Variants in UBE2V2 observed in about 807,000 individuals in gnomAD.
UBE2V2 encodes the protein ubiquitin-conjugating enzyme E2 variant 2.
UBE2V2 carries 9 observed loss-of-function variants against 17.2 expected under a neutral mutation model. The ratio of observed to expected loss-of-function variants is 0.52; its 90% CI spans 0.32 to 0.91. The LOEUF (loss-of-function observed/expected upper bound fraction) is 0.91. UBE2V2 is among the 40% of genes least tolerant of loss of function. The pLI, the probability that UBE2V2 is intolerant of heterozygous loss-of-function variation, is 0.04. For missense variants in UBE2V2, 133 were observed against 182.6 expected, an observed-to-expected ratio of 0.73 and a Z score of 1.56; for synonymous variants, 61 against 57.5, an observed-to-expected ratio of 1.06 and a Z score of -0.28.
At chr8:48,029,559 T>C (rs2091369131) in intron 1 of UBE2V2, among the ~76,000 whole-genome samples, 1 of 152,204 alleles carries the variant, frequency 6.6e-6, no homozygotes, top group South Asian at 2.1e-4. Context: ...GTAAACAGTT[T>C]TATTCTTTGG....
intron 2 of UBE2V2, among the ~76,000 whole-genome samples, chr8:48,046,942 CTTT>C (rs771280050): frequency 1.4e-5 from 2 of 139,762 alleles, no homozygotes; most frequent in Non-Finnish European, 3.1e-5. Context: ...TAAGGTCCCT[CTTT>C]TTTTTTTTTT....
chr8:48,043,329 G>T (rs944764849), intron 2 of UBE2V2, 148 bp downstream of exon 2: 25 of 626,968 alleles, frequency 4.0e-5, no homozygotes, highest in Middle Eastern at 5.0e-4. Context: ...TGCTTCCCAC[G>T]TGCAGGATAT....
chr8:48,017,376 CTCTT>C (rs1214596183), intron 1 of UBE2V2, among the ~76,000 whole-genome samples: 4 of 150,534 alleles, frequency 2.7e-5, no homozygotes, highest in East Asian at 1.9e-4. Flanking sequence ...TGTTCTCTCT[CTCTT>C]TTTTTTTTTT....
intron 1 of UBE2V2, among the ~76,000 whole-genome samples, chr8:48,018,135 C>A (rs2091282829): frequency 6.6e-6 from 1 of 152,164 alleles, no homozygotes; most frequent in African/African-American, 2.4e-5. Flanking sequence ...CCATGCCCAG[C>A]TGCACAATGC....
chr8:47,997,843 G>A, the UBE2V2 span, among the ~76,000 whole-genome samples: 1 of 151,888 alleles, frequency 6.6e-6, no homozygotes, highest in Admixed American at 6.6e-5. Context: ...ACGGTGGGGG[G>A]GTCATGCTGT....
chr8:48,034,568 A>C (rs1452381731), intron 1 of UBE2V2, among the ~76,000 whole-genome samples: 4 of 127,844 alleles, frequency 3.1e-5, no homozygotes, highest in Admixed American at 8.2e-5. Flanking sequence ...GGTCTCCCCC[A>C]CCCCCCCTTT....
At chr8:48,007,905 A>G (rs1368886881), upstream of UBE2V2, among the ~76,000 whole-genome samples, 2 of 151,702 alleles carry the variant, frequency 1.3e-5, no homozygotes, top group Non-Finnish European at 2.9e-5. Flanking sequence ...ATCAACGCAA[A>G]TCTGTCAATG....
chr8:48,040,364 C>T (rs2091453368), intron 1 of UBE2V2, among the ~76,000 whole-genome samples: 1 of 152,156 alleles, frequency 6.6e-6, no homozygotes, highest in African/African-American at 2.4e-5. Context: ...ATTCAGATTT[C>T]ACCACTACTG....
intron 1 of UBE2V2, among the ~76,000 whole-genome samples, chr8:48,011,665 T>C (rs1044865274): frequency 1.3e-5 from 2 of 152,198 alleles, no homozygotes; most frequent in Non-Finnish European, 2.9e-5. Flanking sequence ...AGACTGAGAC[T>C]TTTTGAGACG....
At position 48,019,754 on chromosome 8, in the gene UBE2V2, G is replaced by C. The variant is rs560296480; in HGVS notation, c.16+11284G>C. 2.8e-3 allele frequency among the ~76,000 whole-genome samples: 430 copies of C among 152,118 alleles called. 14 individuals carry two copies. The South Asian group carries it at 0.074, about 26-fold the overall frequency. On this transcript the variant is annotated intron_variant, in intron 1 of 3. Coordinates refer to ENST00000523111, the MANE Select transcript of UBE2V2 (RefSeq NM_003350.3). ...CACGTGAACCTGGGAGGTGGAGGCT[G>C]CAGTGAGCCGAGATTGCGCCACTGC...
intron 1 of UBE2V2, among the ~76,000 whole-genome samples, chr8:48,019,388 C>T (rs1415466966): frequency 2.6e-5 from 4 of 151,456 alleles, no homozygotes; most frequent in Non-Finnish European, 4.4e-5. Context: ...AAAAATTGGG[C>T]GTGGTGGTGG....
At chr8:48,005,239 A>C (rs548916166), upstream of UBE2V2, among the ~76,000 whole-genome samples, 1 of 151,316 alleles carries the variant, frequency 6.6e-6, no homozygotes, top group East Asian at 1.9e-4. Flanking sequence ...TCACTGTTCA[A>C]CTCCCACTTA....
intron 2 of UBE2V2, chr8:48,043,573 AT>A (rs766157733): frequency 3.4e-4 from 52 of 153,576 alleles, no homozygotes; most frequent in Non-Finnish European, 7.1e-4. Context: ...GACTGGTAGG[AT>A]TTCAGAAGGT....
At position 48,035,631 on chromosome 8, in the gene UBE2V2, T is replaced by TTGTGTGTG. The variant is rs201716659; in HGVS notation, c.17-7380_17-7373dup. Among the ~76,000 whole-genome samples, 41 of 109,538 alleles carry TTGTGTGTG rather than the reference T, an allele frequency of 3.7e-4. 1 individual carries two copies. In the East Asian group the frequency reaches 3.9e-3, roughly 11 times the overall value. 71.9% of individuals were successfully genotyped at this position (109,538 alleles called of 152,430 possible). ...TTTAAAAATTATTGTTTTTTTTTTT[T>TTGTGTGTG]TGTGTGTGTGTGTGTGTGTGTGTGT... On this transcript the variant is annotated intron_variant, in intron 1 of 3. Coordinates refer to ENST00000523111, the MANE Select transcript of UBE2V2 (RefSeq NM_003350.3).
At chr8:48,025,668 C>T (rs13270953) in intron 1 of UBE2V2, among the ~76,000 whole-genome samples, 33,219 of 150,630 alleles carry the variant, frequency 0.22, 4,369 homozygotes, top group South Asian at 0.43. Context: ...GGCGTGATCT[C>T]GGCTCACTGC....
chr8:48,034,593 C>T (rs1180142024), intron 1 of UBE2V2, among the ~76,000 whole-genome samples: 1 of 131,872 alleles, frequency 7.6e-6, no homozygotes, highest in African/African-American at 2.8e-5. Context: ...TTAACTTATA[C>T]ACAATTAATA....
At chr8:48,022,100 C>T (rs1165933609) in intron 1 of UBE2V2, among the ~76,000 whole-genome samples, 1 of 151,872 alleles carries the variant, frequency 6.6e-6, no homozygotes, top group Admixed American at 6.6e-5. Flanking sequence ...TATACTTTTA[C>T]CCTACTCTCC....
chr8:48,008,374 G>C (rs768077436), upstream of UBE2V2: 1 of 1,527,396 alleles, frequency 6.5e-7, no homozygotes, highest in East Asian at 2.8e-5. Flanking sequence ...GCTGTGACGC[G>C]TGCAGGGCGG....
At chr8:48,039,999 G>A (rs1010562874) in intron 1 of UBE2V2, among the ~76,000 whole-genome samples, 4 of 150,912 alleles carry the variant, frequency 2.7e-5, no homozygotes, top group Non-Finnish European at 5.9e-5. Context: ...CAAAATGCTG[G>A]GTTTACAAGT....
Sources: gnomAD v4.1 joint callset for allele counts (sites outside exome capture counted in the v4.1 genomes callset) on GRCh38, gnomAD v4.1.1 for gene constraint, MANE v1.5 for transcripts, NCBI Gene and HGNC (gene_info 2026-07-23, HGNC 2026-07-21) for gene names.